CDK14: variants seen among roughly 807,000 people sequenced by gnomAD.
CDK14 encodes the protein cyclin-dependent kinase 14.
Under a neutral mutation model 60.7 loss-of-function variants are expected in CDK14, and 34 were observed. That is an observed-to-expected ratio of 0.56 (90% CI 0.43 to 0.75). The LOEUF (loss-of-function observed/expected upper bound fraction) is 0.75, where lower values mean the gene tolerates loss of function less well. Among genes scored for constraint, CDK14 ranks in the 30% least tolerant of loss-of-function variants. The pLI, the probability that CDK14 is intolerant of heterozygous loss-of-function variation, is 0.00. For missense variants in CDK14, 482 were observed against 564.1 expected (o/e 0.85, Z 1.47); for synonymous variants, 197 against 203.7 (o/e 0.97, Z 0.28).
chr7:90,640,485 GTATT>G (rs1800299645), intron 2 of CDK14, among the ~76,000 whole-genome samples: 1 of 152,134 alleles, frequency 6.6e-6, no homozygotes, highest in South Asian at 2.1e-4. Context: ...AAGCATAAAT[GTATT>G]TATTTCATTA....
intron 6 of CDK14, among the ~76,000 whole-genome samples, chr7:90,880,634 C>T (rs1791716577): frequency 6.6e-6 from 1 of 152,108 alleles, no homozygotes; most frequent in Non-Finnish European, 1.5e-5. Flanking sequence ...TGGATGAGAC[C>T]ATCCAACGGG....
At chr7:90,600,029 A>G (rs1799282137) in intron 1 of CDK14, among the ~76,000 whole-genome samples, 2 of 152,208 alleles carry the variant, frequency 1.3e-5, no homozygotes, top group Non-Finnish European at 2.9e-5. Context: ...TTACTATATT[A>G]TAAAACACAT....
intron 2 of CDK14, among the ~76,000 whole-genome samples, chr7:90,657,834 A>G (rs1368365226): frequency 6.6e-6 from 1 of 152,188 alleles, no homozygotes; most frequent in Non-Finnish European, 1.5e-5. Flanking sequence ...AATTTTTACT[A>G]TATGCAACAA....
intron 14 of CDK14, among the ~76,000 whole-genome samples, chr7:91,199,032 T>A (rs1169115806): frequency 6.6e-6 from 1 of 152,222 alleles, no homozygotes; most frequent in African/African-American, 2.4e-5. Context: ...ATTTGGTTTG[T>A]TTAAATATAG....
chr7:90,795,524 A>G (rs535123432), intron 5 of CDK14, among the ~76,000 whole-genome samples: 2 of 151,684 alleles, frequency 1.3e-5, no homozygotes, highest in African/African-American at 4.8e-5. Context: ...GTATCTTGTT[A>G]TATATGAATT....
At chr7:91,072,435 C>T (rs190803534) in intron 11 of CDK14, among the ~76,000 whole-genome samples, 11 of 152,228 alleles carry the variant, frequency 7.2e-5, no homozygotes, top group African/African-American at 2.4e-4. Flanking sequence ...GAAGAGGGAC[C>T]TGACCATTGA....
At chr7:90,653,723 G>A (rs1800695633) in intron 2 of CDK14, among the ~76,000 whole-genome samples, 1 of 151,960 alleles carries the variant, frequency 6.6e-6, no homozygotes, top group Non-Finnish European at 1.5e-5. Context: ...CAATGTGCAG[G>A]TTTGTTACAT....
chr7:90,912,452 G>T lies in CDK14; in HGVS notation c.703-5149G>T, dbSNP rs900711722. On this transcript the variant is annotated intron_variant, in intron 7 of 14. Transcript: ENST00000380050. ...TCAACCTCATTTAAGATAATGAGGT[G>T]TGGTGGAAAATTCACAAGAGCTGTG... 2.6e-5 allele frequency among the ~76,000 whole-genome samples: 4 copies of T among 152,150 alleles called. No individual in the cohort carries two copies. In the South Asian group the frequency reaches 8.3e-4, roughly 31 times the overall value.
At chr7:90,763,950 G>C (rs926608733) in intron 4 of CDK14, among the ~76,000 whole-genome samples, 4 of 151,992 alleles carry the variant, frequency 2.6e-5, no homozygotes, top group Admixed American at 2.6e-4. Flanking sequence ...TCTGAATACT[G>C]TCCCATTTGG....
intron 2 of CDK14, among the ~76,000 whole-genome samples, chr7:90,713,149 C>G (rs1802125969): frequency 6.6e-6 from 1 of 152,080 alleles, no homozygotes; most frequent in African/African-American, 2.4e-5. Context: ...ATCAATACAG[C>G]TTTCTGTTTC....
chr7:90,797,685 G>T (rs1788488197), intron 5 of CDK14, among the ~76,000 whole-genome samples: 2 of 151,924 alleles, frequency 1.3e-5, no homozygotes, highest in African/African-American at 4.9e-5. Flanking sequence ...AGAGGCCTCA[G>T]GAAACTTTCA....
chr7:91,205,077 C>T (rs1250237567), intron 14 of CDK14, among the ~76,000 whole-genome samples: 1 of 152,094 alleles, frequency 6.6e-6, no homozygotes. Flanking sequence ...AACCCTTGTG[C>T]ATTGCTGGTG....
intron 5 of CDK14, among the ~76,000 whole-genome samples, chr7:90,836,391 C>A (rs1234857929): frequency 6.6e-6 from 1 of 151,952 alleles, no homozygotes; most frequent in East Asian, 1.9e-4. Context: ...TTCTTAAAAA[C>A]CAATACACAA....
chr7:91,170,295 T>C (rs559527833), intron 14 of CDK14, among the ~76,000 whole-genome samples: 151 of 152,340 alleles, frequency 9.9e-4, no homozygotes, highest in African/African-American at 3.5e-3. Context: ...ATTTTGGGGC[T>C]CTTTTAACAT....
chr7:90,947,764 C>T (rs1384257366), intron 8 of CDK14, among the ~76,000 whole-genome samples: 2 of 152,114 alleles, frequency 1.3e-5, no homozygotes, highest in African/African-American at 4.8e-5. Context: ...ATAAGCCTCC[C>T]ATACAAACAC....
At chr7:90,667,270 G>A (rs1302682449) in intron 2 of CDK14, among the ~76,000 whole-genome samples, 1 of 152,076 alleles carries the variant, frequency 6.6e-6, no homozygotes, top group Non-Finnish European at 1.5e-5. Context: ...TACCCAGCCC[G>A]TATTCGAGTT....
At chr7:90,838,619 G>GTT (rs1790191158) in intron 5 of CDK14, among the ~76,000 whole-genome samples, 1 of 152,100 alleles carries the variant, frequency 6.6e-6, no homozygotes, top group Non-Finnish European at 1.5e-5. Flanking sequence ...ATTCCCAGGG[G>GTT]TAGGTCTATA....
At chr7:90,977,617 T>C (rs1795116739) in intron 9 of CDK14, among the ~76,000 whole-genome samples, 1 of 152,126 alleles carries the variant, frequency 6.6e-6, no homozygotes, top group Admixed American at 6.6e-5. Flanking sequence ...TCATGACATG[T>C]CACTCATGAT....
chr7:91,172,797 C>G (rs1307539546), intron 14 of CDK14, among the ~76,000 whole-genome samples: 2 of 152,134 alleles, frequency 1.3e-5, no homozygotes, highest in African/African-American at 4.8e-5. Flanking sequence ...TTTCACTTCT[C>G]CAGGAAGAGG....
Sources: allele counts gnomAD v4.1 joint callset (sites outside exome capture counted in the v4.1 genomes callset), GRCh38; gene constraint gnomAD v4.1.1; transcripts MANE v1.5; gene names NCBI Gene and HGNC (gene_info 2026-07-23, HGNC 2026-07-21).